ZNF140: variants seen among roughly 807,000 people sequenced by gnomAD.
ZNF140 encodes the protein zinc finger protein 140 (clone pHZ-39).
In ZNF140, 13 loss-of-function variants were observed where a neutral mutation model predicts 12.9. That is an observed-to-expected ratio of 1.01 (90% confidence interval 0.66 to 1.60). The LOEUF (loss-of-function observed/expected upper bound fraction) is 1.60. ZNF140 is among the 40% of genes most tolerant of loss of function. ZNF140 has a pLI of 0.00. For synonymous variants in ZNF140, 214 were observed against 186.7 expected (o/e 1.15, Z -1.19); for missense variants, 531 against 548.8 (o/e 0.97, Z 0.32).
chr12:133,081,190 G>T, intron 1 of ZNF140, 83 bp from the exon 2 acceptor site: 1 of 515,224 alleles, frequency 1.9e-6, no homozygotes, highest in South Asian at 2.0e-5. Flanking sequence ...CGGGGGCCAC[G>T]GGAATCCCCA....
At chr12:133,081,168 G>A (rs1400836229) in intron 1 of ZNF140, 96 bp downstream of exon 1, 11 of 355,538 alleles carry the variant, frequency 3.1e-5, no homozygotes, top group South Asian at 3.0e-5. Context: ...TCTCTACGTG[G>A]GAGGCGCGGA....
intron 4 of ZNF140, among the ~76,000 whole-genome samples, chr12:133,098,086 G>A (rs1462443346): frequency 6.6e-6 from 1 of 151,824 alleles, no homozygotes; most frequent in East Asian, 1.9e-4. Flanking sequence ...TGCCCACCTC[G>A]ACCTCCCAAA....
chr12:133,087,896 C>T (rs1227292744), intron 4 of ZNF140, among the ~76,000 whole-genome samples: 2 of 151,860 alleles, frequency 1.3e-5, no homozygotes, highest in African/African-American at 2.4e-5. Flanking sequence ...TTTGGGAGGC[C>T]GAGGTGGGCA....
At chr12:133,099,925 G>A (rs1160249814) in intron 4 of ZNF140, among the ~76,000 whole-genome samples, 1 of 151,138 alleles carries the variant, frequency 6.6e-6, no homozygotes, top group African/African-American at 2.4e-5. Context: ...AGAATTGTGG[G>A]CTTGAGAGTT....
chr12:133,086,121 A>T (rs1473603291), intron 4 of ZNF140, among the ~76,000 whole-genome samples: 1 of 152,136 alleles, frequency 6.6e-6, no homozygotes, highest in East Asian at 1.9e-4. Context: ...GGGCTTCTTA[A>T]GTTTTTTGCA....
At chr12:133,092,641 T>G (rs940841402) in intron 4 of ZNF140, among the ~76,000 whole-genome samples, 8 of 151,096 alleles carry the variant, frequency 5.3e-5, no homozygotes, top group Non-Finnish European at 8.8e-5. Flanking sequence ...GTGATGAAAT[T>G]CCCTTTTCAC....
At chr12:133,100,877 T>G in intron 4 of ZNF140, 1 of 342,474 alleles carries the variant, frequency 2.9e-6, no homozygotes, top group Non-Finnish European at 5.9e-6. Flanking sequence ...ACATTCGGGG[T>G]GGGGTGGAGC....
chr12:133,089,230 C>T lies in ZNF140; in HGVS notation c.232+5669C>T, dbSNP rs1450948076. On this transcript the variant is annotated intron_variant, in intron 4 of 4. Transcript: ENST00000355557. ...TTATTCATTTGATTTTTTTTTTTTT[C>T]GAGGCAGGGTCTCACTCTGTTGTCA... 1.6e-4 allele frequency among the ~76,000 whole-genome samples: 23 copies of T among 144,500 alleles called. No homozygotes were observed. The East Asian group carries it at 1.8e-3, about 11-fold the overall frequency. 94.8% of individuals were successfully genotyped at this position (144,500 alleles called of 152,430 possible).
At chr12:133,100,870 T>G in intron 4 of ZNF140, 1 of 335,426 alleles carries the variant, frequency 3.0e-6, no homozygotes, top group Non-Finnish European at 6.0e-6. Flanking sequence ...ACAATTCACA[T>G]TCGGGGTGGG....
At chr12:133,091,102 C>T (rs1365093535) in intron 4 of ZNF140, among the ~76,000 whole-genome samples, 1 of 149,460 alleles carries the variant, frequency 6.7e-6, no homozygotes, top group Non-Finnish European at 1.5e-5. Flanking sequence ...CATCTCAGCA[C>T]AGACCTTTTA....
At chr12:133,102,557 C>A (rs1033676514) in intron 4 of ZNF140, among the ~76,000 whole-genome samples, 1 of 152,018 alleles carries the variant, frequency 6.6e-6, no homozygotes, top group South Asian at 2.1e-4. Context: ...GAAACCCCAT[C>A]TCTACTAAGA....
intron 4 of ZNF140, among the ~76,000 whole-genome samples, chr12:133,101,712 G>A (rs1198538596): frequency 1.3e-5 from 2 of 152,068 alleles, no homozygotes; most frequent in African/African-American, 4.8e-5. Context: ...CAAAGTGCTG[G>A]GATTACAGGC....
In ZNF140 at chr12:133,105,667, G is replaced by A; in HGVS notation, c.390G>A (p.Leu130=). ...AATGCAAGGATCATACTGAGATGCTGCAAGAAAATCAGGGATGTATTAGGA... is the reference window on the plus strand; with the variant it reads ...AATGCAAGGATCATACTGAGATGCTACAAGAAAATCAGGGATGTATTAGGA... ...GWKCKDHTEM[L]QENQGCIRKV... is the part of the protein sequence containing the mutation. Residue 130 remains leucine (L), a synonymous_variant, in exon 5 of 5, where the codon CTG becomes CTA. Coordinates refer to ENST00000355557, the MANE Select transcript of ZNF140 (RefSeq NM_003440.4). 5 of 1,614,144 alleles carry A rather than the reference G, an allele frequency of 3.1e-6. No individual in the cohort carries two copies. The highest frequency in any genetic ancestry group is 4.2e-6 in the Non-Finnish European group (5 of 1,180,028).
chr12:133,090,824 G>A (rs1032026991), intron 4 of ZNF140, among the ~76,000 whole-genome samples: 1,956 of 126,602 alleles, frequency 0.015, 36 homozygotes, highest in East Asian at 0.051. Context: ...ATCATAATTA[G>A]GTTTAAGGGA....
chr12:133,096,042 C>G (rs1036762747), intron 4 of ZNF140, among the ~76,000 whole-genome samples: 14 of 151,016 alleles, frequency 9.3e-5, no homozygotes, highest in Non-Finnish European at 5.9e-5. Flanking sequence ...CAGCACAGAC[C>G]CTTTATGGGT....
At chr12:133,100,470 C>T (rs1955307834) in intron 4 of ZNF140, among the ~76,000 whole-genome samples, 1 of 152,154 alleles carries the variant, frequency 6.6e-6, no homozygotes, top group South Asian at 2.1e-4. Flanking sequence ...GCCACCTTGC[C>T]TGGCCCTTTT....
chr12:133,085,606 T>G (rs1954648415), intron 4 of ZNF140, among the ~76,000 whole-genome samples: 1 of 152,240 alleles, frequency 6.6e-6, no homozygotes, highest in African/African-American at 2.4e-5. Context: ...TTGGTTTTCT[T>G]TATTGTTCCA....
intron 4 of ZNF140, among the ~76,000 whole-genome samples, chr12:133,095,639 C>T (rs549528747): frequency 6.4e-3 from 970 of 150,432 alleles, no homozygotes; most frequent in Non-Finnish European, 9.6e-3. Context: ...CTCTGAGTTC[C>T]CTCAGTTTTT....
At chr12:133,099,541 G>A (rs1955260605) in intron 4 of ZNF140, among the ~76,000 whole-genome samples, 1 of 152,160 alleles carries the variant, frequency 6.6e-6, no homozygotes, top group African/African-American at 2.4e-5. Flanking sequence ...AGAAAACTAA[G>A]GCTGGGTGCA....
Sources: allele counts gnomAD v4.1 joint callset (sites outside exome capture counted in the v4.1 genomes callset), GRCh38; gene constraint gnomAD v4.1.1; transcripts MANE v1.5; gene names NCBI Gene and HGNC (gene_info 2026-07-23, HGNC 2026-07-21).